MAP4K3: variants seen among roughly 807,000 people sequenced by gnomAD.
MAP4K3 encodes the protein MAPK/ERK kinase kinase kinase 3.
Under a neutral mutation model 143.5 loss-of-function variants are expected in MAP4K3, and 94 were observed. The ratio of observed to expected loss-of-function variants is 0.65; its 90% CI spans 0.55 to 0.78. MAP4K3 has a LOEUF of 0.78. Among genes scored for constraint, MAP4K3 ranks in the 30% least tolerant of loss-of-function variants. The pLI is 0.00. For missense variants in MAP4K3, 1,077 were observed against 1,068.1 expected, an observed-to-expected ratio of 1.01 and a Z score of -0.12; for synonymous variants, 416 against 347.2, an observed-to-expected ratio of 1.20 and a Z score of -2.20.
chr2:39,374,008 T>C (rs1337506794), intron 2 of MAP4K3, among the ~76,000 whole-genome samples: 7 of 152,194 alleles, frequency 4.6e-5, no homozygotes, highest in Admixed American at 3.9e-4. Flanking sequence ...ATGACAGATA[T>C]CCATCTACCC....
At chr2:39,339,117 T>C in intron 4 of MAP4K3, among the ~76,000 whole-genome samples, 1 of 152,220 alleles carries the variant, frequency 6.6e-6, no homozygotes, top group East Asian at 1.9e-4. Context: ...TAAACTCACA[T>C]TTACACAAAC....
At chr2:39,382,441 A>G (rs1666378400) in intron 1 of MAP4K3, among the ~76,000 whole-genome samples, 1 of 152,258 alleles carries the variant, frequency 6.6e-6, no homozygotes, top group South Asian at 2.1e-4. Flanking sequence ...TGGCTCTGCC[A>G]GTAACCAGCA....
chr2:39,300,190 T>C (rs1244007789), intron 15 of MAP4K3, among the ~76,000 whole-genome samples: 1 of 152,186 alleles, frequency 6.6e-6, no homozygotes, highest in Non-Finnish European at 1.5e-5. Context: ...GTATATAGTA[T>C]CTAAAATAAT....
chr2:39,361,601 T>C (rs1665772173), intron 2 of MAP4K3, among the ~76,000 whole-genome samples: 1 of 151,910 alleles, frequency 6.6e-6, no homozygotes. Context: ...AATTAAATTG[T>C]GTACCTAAGA....
chr2:39,356,363 G>A (rs771702009), intron 2 of MAP4K3, 24 bp from the exon 3 acceptor site: 2 of 1,315,824 alleles, frequency 1.5e-6, no homozygotes, highest in Non-Finnish European at 2.2e-6. Flanking sequence ...CAAGCATGTT[G>A]AATATTTAGA....
chr2:39,319,318 A>G (rs560808696), intron 12 of MAP4K3, among the ~76,000 whole-genome samples: 6 of 152,226 alleles, frequency 3.9e-5, no homozygotes, highest in African/African-American at 1.4e-4. Flanking sequence ...AAATACGGAA[A>G]CTAAAACCTT....
intron 32 of MAP4K3, 121 bp from the exon 33 acceptor site, chr2:39,252,006 A>G (rs929594630): frequency 8.7e-6 from 6 of 691,632 alleles, no homozygotes; most frequent in African/African-American, 1.8e-5. Flanking sequence ...ATATTCCTGC[A>G]TGACTGTTTG....
intron 2 of MAP4K3, among the ~76,000 whole-genome samples, chr2:39,371,578 T>C (rs1045162488): frequency 2.0e-5 from 3 of 152,064 alleles, no homozygotes; most frequent in Non-Finnish European, 4.4e-5. Flanking sequence ...AATTCTGCAA[T>C]CAAAAAACAG....
intron 1 of MAP4K3, among the ~76,000 whole-genome samples, chr2:39,400,083 A>C (rs972510010): frequency 2.0e-5 from 3 of 152,140 alleles, no homozygotes; most frequent in African/African-American, 4.8e-5. Context: ...TAATCCCCCC[A>C]AAAACCCTGC....
rs1227030074 is a variant in MAP4K3, at chr2:39,436,887, T to C, written c.96+5A>G. 8 of 1,606,744 alleles carry C rather than the reference T, an allele frequency of 5.0e-6. No homozygotes were observed. Among genetic ancestry groups the C allele is most frequent in the Non-Finnish European group, 6.8e-6 (8 of 1,177,270 alleles). ...GCCTCGGCGGCGCGCGGCCCCTGCCTTTACCTTGTAGACGTCGCCGTAGGT... is the reference window on the plus strand; with the variant it reads ...GCCTCGGCGGCGCGCGGCCCCTGCCCTTACCTTGTAGACGTCGCCGTAGGT... On this transcript the variant is annotated splice_donor_5th_base_variant and intron_variant, in intron 1 of 33. Transcript: ENST00000263881.
At chr2:39,299,120 T>G (rs1573114592) in intron 16 of MAP4K3, among the ~76,000 whole-genome samples, 1 of 152,172 alleles carries the variant, frequency 6.6e-6, no homozygotes. Context: ...CTAAGGGGAA[T>G]AGCAAAATTC....
intron 19 of MAP4K3, among the ~76,000 whole-genome samples, chr2:39,288,868 T>C (rs973883140): frequency 3.9e-5 from 6 of 152,242 alleles, no homozygotes; most frequent in Non-Finnish European, 7.4e-5. Context: ...CTGGCTATCA[T>C]GGTGAAACCC....
chr2:39,268,302 G>A (rs1360937215), intron 26 of MAP4K3, among the ~76,000 whole-genome samples: 2 of 152,022 alleles, frequency 1.3e-5, no homozygotes, highest in African/African-American at 2.4e-5. Context: ...ACCCATTTCT[G>A]TACATACTTT....
At chr2:39,408,055 C>A (rs1192983362) in intron 1 of MAP4K3, among the ~76,000 whole-genome samples, 1 of 152,124 alleles carries the variant, frequency 6.6e-6, no homozygotes, top group African/African-American at 2.4e-5. Flanking sequence ...ATCTACAAAG[C>A]TTTTAACCCT....
intron 1 of MAP4K3, among the ~76,000 whole-genome samples, chr2:39,417,039 A>T: frequency 6.6e-6 from 1 of 152,210 alleles, no homozygotes; most frequent in East Asian, 1.9e-4. Context: ...AGCACATAGT[A>T]AGTGGTGTAT....
At chr2:39,358,844 ACCTCCCACTGGGT>A (rs1665684664) in intron 2 of MAP4K3, among the ~76,000 whole-genome samples, 1 of 152,098 alleles carries the variant, frequency 6.6e-6, no homozygotes, top group Non-Finnish European at 1.5e-5. Flanking sequence ...TGATTCAATT[ACCTCCCACTGGGT>A]CCTCCCACAA....
At chr2:39,264,720 A>T (rs958871374) in intron 28 of MAP4K3, among the ~76,000 whole-genome samples, 8 of 152,216 alleles carry the variant, frequency 5.3e-5, no homozygotes, top group Non-Finnish European at 1.0e-4. Flanking sequence ...TAAATATTTT[A>T]AAAATTATTC....
At position 39,254,467 on chromosome 2, in the gene MAP4K3, T is replaced by G; in HGVS notation, c.2524A>C (p.Ser842Arg). The change falls in exon 32 of 34, where the codon AGT becomes CGT. Residue 842 changes from serine to arginine, a missense_variant. Physicochemically the swap from Ser to Arg is moderately radical, Grantham distance 110. This residue lies in a region of MAP4K3 where 864 missense variants were observed against 801.2 expected (regional missense o/e 1.08). Transcript: ENST00000263881. ...AFWKHGMQGR[S>R]FRSNEVTQEI... ...TTACTTACCTCATTAGATCTAAAAC[T>G]TCTACCTTGCATTCCATGTTTCCAG... is the stretch of plus-strand genomic sequence containing the variant. 1 of 1,613,922 alleles carries G rather than the reference T, an allele frequency of 6.2e-7. No homozygotes were observed. Among genetic ancestry groups the G allele is most frequent in the Non-Finnish European group, 8.5e-7 (1 of 1,179,886 alleles).
intron 3 of MAP4K3, among the ~76,000 whole-genome samples, chr2:39,355,449 TGAG>T (rs755483702): frequency 6.6e-6 from 1 of 150,414 alleles, no homozygotes; most frequent in Non-Finnish European, 1.5e-5. Flanking sequence ...GAGGATCACC[TGAG>T]CCTAGGGAGG....
Sources: gnomAD v4.1 joint callset for allele counts (sites outside exome capture counted in the v4.1 genomes callset) on GRCh38, gnomAD v4.1.1 for gene constraint, gnomAD v4.1.1 regional missense constraint, MANE v1.5 for transcripts, NCBI Gene and HGNC (gene_info 2026-07-23, HGNC 2026-07-21) for gene names.